The following AFG2A variants were observed in gnomAD, a reference collection of about 807,000 sequenced individuals.
AFG2A encodes ATPase family gene 2 protein homolog A.
the AFG2A span, among the ~76,000 whole-genome samples, chr4:123,223,951 T>C: frequency 6.6e-6 from 1 of 152,216 alleles, no homozygotes; most frequent in East Asian, 1.9e-4. Context: ...TTTCTATTTT[T>C]GCATTCTGTG....
At chr4:123,002,896 G>A in the AFG2A span, among the ~76,000 whole-genome samples, 2 of 152,214 alleles carry the variant, frequency 1.3e-5, no homozygotes, top group Non-Finnish European at 2.9e-5. Flanking sequence ...ATCCTGCAGA[G>A]TGTTTTCCAA....
At chr4:123,024,110 A>G in the AFG2A span, among the ~76,000 whole-genome samples, 3 of 152,142 alleles carry the variant, frequency 2.0e-5, no homozygotes, top group Admixed American at 1.3e-4. Flanking sequence ...AGGAGGATGA[A>G]GAAACTAACC....
At chr4:122,934,003 C>A in the AFG2A span, 1 of 1,354,344 alleles carries the variant, frequency 7.4e-7, no homozygotes, top group Non-Finnish European at 9.9e-7. Context: ...TTGATTTAGT[C>A]TTTTCAGATA....
chr4:123,061,083 G>C, the AFG2A span, among the ~76,000 whole-genome samples: 2 of 152,118 alleles, frequency 1.3e-5, no homozygotes, highest in Non-Finnish European at 2.9e-5. Context: ...CCATATTGCT[G>C]TCAGCATTTT....
the AFG2A span, among the ~76,000 whole-genome samples, chr4:123,105,083 T>C: frequency 1.3e-5 from 2 of 152,198 alleles, no homozygotes; most frequent in Admixed American, 1.3e-4. Flanking sequence ...AATGCCTGGC[T>C]TCACGCTTCA....
At chr4:123,085,544 A>C in the AFG2A span, among the ~76,000 whole-genome samples, 1 of 152,052 alleles carries the variant, frequency 6.6e-6, no homozygotes, top group Non-Finnish European at 1.5e-5. Context: ...TAGTGTTAGC[A>C]TTGTATGTCT....
the AFG2A span, among the ~76,000 whole-genome samples, chr4:123,187,644 A>T: frequency 1.7e-3 from 257 of 152,218 alleles, 2 homozygotes; most frequent in Non-Finnish European, 1.8e-3. Flanking sequence ...AGCTAAAGTG[A>T]TCCTCTCTAA....
At chr4:123,194,191 G>C in the AFG2A span, among the ~76,000 whole-genome samples, 1 of 152,192 alleles carries the variant, frequency 6.6e-6, no homozygotes, top group African/African-American at 2.4e-5. Context: ...CAGGGAGAAA[G>C]CAAGTTTGGA....
At chr4:122,977,737 G>GGA in the AFG2A span, among the ~76,000 whole-genome samples, 4 of 152,186 alleles carry the variant, frequency 2.6e-5, no homozygotes, top group South Asian at 6.2e-4. Context: ...TGAGGTATGT[G>GGA]GACAGCTGGA....
At chr4:123,021,272 T>G in the AFG2A span, among the ~76,000 whole-genome samples, 2 of 152,052 alleles carry the variant, frequency 1.3e-5, no homozygotes, top group African/African-American at 2.4e-5. Context: ...TTTTTTTTCT[T>G]TTTTTACCTT....
chr4:123,192,323 G>A, the AFG2A span, among the ~76,000 whole-genome samples: 1 of 152,094 alleles, frequency 6.6e-6, no homozygotes, highest in African/African-American at 2.4e-5. Context: ...CACCACCGCT[G>A]CTAAAATCGT....
At chr4:123,222,665 A>C in the AFG2A span, among the ~76,000 whole-genome samples, 1,688 of 152,308 alleles carry the variant, frequency 0.011, 9 homozygotes, top group African/African-American at 0.014. Flanking sequence ...TCACTGAAGC[A>C]TTATGCCTGT....
At chr4:123,063,639 G>A in the AFG2A span, among the ~76,000 whole-genome samples, 4 of 152,048 alleles carry the variant, frequency 2.6e-5, no homozygotes, top group East Asian at 7.7e-4. Context: ...CCAGTTACTT[G>A]GGAGGCTAAG....
chr4:123,113,214 C>CT, the AFG2A span, among the ~76,000 whole-genome samples: 2 of 152,090 alleles, frequency 1.3e-5, no homozygotes, highest in Non-Finnish European at 2.9e-5. Context: ...GATGATCTTT[C>CT]CAAAAGCTTT....
chr4:123,164,024 G>C, the AFG2A span, among the ~76,000 whole-genome samples: 1 of 152,096 alleles, frequency 6.6e-6, no homozygotes, highest in East Asian at 1.9e-4. Context: ...TTCTGATCAG[G>C]CTTGTTTTCT....
At chr4:122,931,517 A>G in the AFG2A span, among the ~76,000 whole-genome samples, 2 of 152,180 alleles carry the variant, frequency 1.3e-5, no homozygotes, top group Non-Finnish European at 2.9e-5. Flanking sequence ...TAATATATAT[A>G]CATACACACA....
chr4:123,188,444 C>A, the AFG2A span, among the ~76,000 whole-genome samples: 1 of 151,766 alleles, frequency 6.6e-6, no homozygotes, highest in African/African-American at 2.4e-5. Flanking sequence ...TGCAGTGTAC[C>A]CTAAAGAACA....
At chr4:122,944,133 G>A in the AFG2A span, among the ~76,000 whole-genome samples, 1 of 152,136 alleles carries the variant, frequency 6.6e-6, no homozygotes, top group Non-Finnish European at 1.5e-5. Context: ...CTCTTCTCGA[G>A]GAGTATCTTT....
At chr4:123,042,368 C>A in the AFG2A span, among the ~76,000 whole-genome samples, 1 of 152,038 alleles carries the variant, frequency 6.6e-6, no homozygotes, top group Non-Finnish European at 1.5e-5. Flanking sequence ...GCTCTCCTGT[C>A]TCTTCTTATA....
Sources: allele counts gnomAD v4.1 joint callset (sites outside exome capture counted in the v4.1 genomes callset), GRCh38; gene constraint gnomAD v4.1.1; transcripts MANE v1.5; gene names NCBI Gene and HGNC (gene_info 2026-07-23, HGNC 2026-07-21).